The following TMOD1 variants were observed in gnomAD, a reference collection of about 807,000 sequenced individuals.
The protein encoded by TMOD1 is tropomodulin 1, also known as tropomodulin-1.
Under a neutral mutation model 40.6 loss-of-function variants are expected in TMOD1, and 17 were observed. The observed-to-expected ratio is 0.42, with a 90% confidence interval of 0.29 to 0.63. The LOEUF is 0.63. Among genes scored for constraint, TMOD1 ranks in the 20% least tolerant of loss-of-function variants. The pLI is 0.22. For synonymous variants in TMOD1, 181 were observed against 175.0 expected (o/e 1.03, Z -0.27); for missense variants, 391 against 447.6 (o/e 0.87, Z 1.14).
intron 2 of TMOD1, among the ~76,000 whole-genome samples, chr9:97,524,763 G>A (rs762592359): frequency 1.5e-4 from 23 of 152,156 alleles, no homozygotes; most frequent in Admixed American, 4.6e-4. Flanking sequence ...CAATGTCCCA[G>A]CTCAAGGCAG....
chr9:97,575,368 G>T (rs1563995819), intron 8 of TMOD1, among the ~76,000 whole-genome samples: 2 of 152,206 alleles, frequency 1.3e-5, no homozygotes, highest in South Asian at 4.1e-4. Flanking sequence ...CGGACACACC[G>T]CCTTTAAGAA....
intron 1 of TMOD1, among the ~76,000 whole-genome samples, chr9:97,508,050 T>A (rs1194964199): frequency 8.4e-6 from 1 of 119,000 alleles, no homozygotes; most frequent in East Asian, 2.5e-4. Flanking sequence ...CAATCTATCT[T>A]CCTGATTCAC....
intron 8 of TMOD1, among the ~76,000 whole-genome samples, chr9:97,576,713 A>G (rs757614262): frequency 2.0e-5 from 3 of 151,682 alleles, no homozygotes; most frequent in Admixed American, 6.6e-5. Context: ...GGCTCACTGC[A>G]AGCTCCGCCT....
At chr9:97,549,298 T>A (rs894907481) in intron 3 of TMOD1, among the ~76,000 whole-genome samples, 1 of 152,274 alleles carries the variant, frequency 6.6e-6, no homozygotes, top group South Asian at 2.1e-4. Flanking sequence ...CAACCTGTCT[T>A]TGTCCTCATG....
intron 8 of TMOD1, among the ~76,000 whole-genome samples, chr9:97,575,884 A>G (rs145679794): frequency 6.6e-6 from 1 of 152,240 alleles, no homozygotes; most frequent in African/African-American, 2.4e-5. Context: ...ACACTGCTGA[A>G]GGGCATGCCG....
Position 97,600,275 on chromosome 9 carries a change from G to C in TMOD1, c.*577G>C. 3 of 986,382 alleles carry C rather than the reference G, an allele frequency of 3.0e-6. No homozygotes were observed. Among genetic ancestry groups the C allele is most frequent in the Non-Finnish European group, 3.6e-6 (3 of 830,358 alleles). The allele number at this position is 986,382 out of a possible 1,614,324, so 61.1% of individuals were successfully genotyped here. ...AGACTGAAGCCACTGAACTCTGCCAGGAGTCAACATGAGATTCCTTTTGCT... is the reference window on the plus strand; with the variant it reads ...AGACTGAAGCCACTGAACTCTGCCACGAGTCAACATGAGATTCCTTTTGCT... On this transcript the variant is annotated 3_prime_UTR_variant, in exon 10 of 10. Transcript: ENST00000259365.
intron 2 of TMOD1, among the ~76,000 whole-genome samples, chr9:97,537,370 T>G (rs1830201233): frequency 6.6e-6 from 1 of 152,254 alleles, no homozygotes; most frequent in African/African-American, 2.4e-5. Context: ...TGCCTCTGTG[T>G]GCACATCTGA....
At chr9:97,534,122 C>T (rs968240347) in intron 2 of TMOD1, among the ~76,000 whole-genome samples, 3 of 152,236 alleles carry the variant, frequency 2.0e-5, no homozygotes, top group East Asian at 3.8e-4. Context: ...TTTCTCATAT[C>T]ATTGCCTGGA....
At chr9:97,538,599 A>G (rs1479031385) in intron 2 of TMOD1, among the ~76,000 whole-genome samples, 1 of 152,218 alleles carries the variant, frequency 6.6e-6, no homozygotes, top group African/African-American at 2.4e-5. Context: ...AATGTAATGT[A>G]TAGGCTTGTT....
At chr9:97,552,409 C>T (rs2131254065) in intron 3 of TMOD1, among the ~76,000 whole-genome samples, 1 of 152,284 alleles carries the variant, frequency 6.6e-6, no homozygotes, top group African/African-American at 2.4e-5. Flanking sequence ...CCTGCTTTGT[C>T]TTCCTCCATA....
intron 3 of TMOD1, among the ~76,000 whole-genome samples, chr9:97,551,012 ATATTTTTTTTTTTTTT>A (rs1253489146): frequency 1.8e-4 from 7 of 39,356 alleles, no homozygotes; most frequent in Non-Finnish European, 2.7e-4. Context: ...ATATATATAT[ATATTTTTTTTTTTTTT>A]TTTTTTTTTT....
intron 1 of TMOD1, among the ~76,000 whole-genome samples, chr9:97,508,072 C>T: frequency 1.5e-5 from 2 of 133,852 alleles, no homozygotes; most frequent in African/African-American, 6.4e-5. Flanking sequence ...CACACACACA[C>T]ACACACACAC....
chr9:97,524,658 C>G (rs958402353), intron 2 of TMOD1, among the ~76,000 whole-genome samples: 18 of 151,966 alleles, frequency 1.2e-4, no homozygotes, highest in African/African-American at 4.1e-4. Context: ...TGGCACAGTT[C>G]CAATACAAAT....
At chr9:97,509,283 T>C (rs2131206665) in intron 1 of TMOD1, among the ~76,000 whole-genome samples, 1 of 152,280 alleles carries the variant, frequency 6.6e-6, no homozygotes, top group African/African-American at 2.4e-5. Flanking sequence ...TTATTAAGAC[T>C]GCAAGAAATA....
rs144800521 is a variant in TMOD1 at position 97,565,932 on chromosome 9, C to T, written c.703C>T (p.Arg235Trp). 3.2e-5 allele frequency: 51 copies of T among 1,614,140 alleles called. No homozygotes were observed. The highest frequency in any genetic ancestry group is 2.2e-4 in the East Asian group (10 of 44,892). The change falls in exon 7 of 10, where the codon CGG (arginine) becomes TGG (tryptophan). Residue 235 changes from arginine (R) to tryptophan (W), a missense_variant. Physicochemically the swap from Arg to Trp is moderately radical, Grantham distance 101. Transcript: ENST00000259365. ...GAAGAAGTTCAGCATCGTGGGGACA[C>T]GGAGTAATGACCCCGTGGCGTATGT... is the stretch of plus-strand genomic sequence containing the variant. ...YVKKFSIVGT[R>W]SNDPVAYALA...
intron 7 of TMOD1, 73 bp downstream of exon 7, chr9:97,566,028 G>A: frequency 1.5e-6 from 2 of 1,335,534 alleles, no homozygotes; most frequent in South Asian, 1.2e-5. Flanking sequence ...TGTGGCCTCA[G>A]GACTGGTTGT....
At chr9:97,553,449 C>T (rs2131255072) in intron 4 of TMOD1, 49 bp downstream of exon 4, 1 of 1,611,628 alleles carries the variant, frequency 6.2e-7, no homozygotes, top group Non-Finnish European at 8.5e-7. Context: ...GGATTTGACC[C>T]ACATCTGCAG....
At chr9:97,538,755 G>A (rs934909590) in intron 2 of TMOD1, among the ~76,000 whole-genome samples, 1 of 152,010 alleles carries the variant, frequency 6.6e-6, no homozygotes, top group African/African-American at 2.4e-5. Context: ...CCAGCACTTT[G>A]GGAGGCCAAG....
rs559940572 is a variant in TMOD1 at position 97,546,897 on chromosome 9, C to T, written c.277+556C>T. Among the ~76,000 whole-genome samples the T allele has an allele frequency of 2.1e-5, 3 of 144,160 alleles. No individual in the cohort carries two copies. The South Asian group carries it at 6.9e-4, about 33-fold the overall frequency. The allele number at this position is 144,160 out of a possible 152,430, so 94.6% of individuals were successfully genotyped here. ...TGAGCCAAGATCGCACCACTGCACT[C>T]CAGCCTGGGCAACAGAGTAAGACTC... On this transcript the variant is annotated intron_variant, in intron 3 of 9. Coordinates refer to ENST00000259365, the MANE Select transcript of TMOD1 (RefSeq NM_003275.4).
Sources: gnomAD v4.1 joint callset for allele counts (sites outside exome capture counted in the v4.1 genomes callset) on GRCh38, gnomAD v4.1.1 for gene constraint, MANE v1.5 for transcripts, NCBI Gene and HGNC (gene_info 2026-07-23, HGNC 2026-07-21) for gene names.